GYPB: variants seen among roughly 807,000 people sequenced by gnomAD.
GYPB encodes glycophorin-B.
Under a neutral mutation model 15.3 loss-of-function variants are expected in GYPB, and 13 were observed. The observed-to-expected ratio is 0.85, with a 90% CI of 0.55 to 1.35. The LOEUF is 1.35. GYPB is among the 40% of genes most tolerant of loss of function. GYPB has a pLI of 0.00. For missense variants in GYPB, 131 were observed against 108.3 expected (o/e 1.21, Z -0.93); for synonymous variants, 38 against 36.9 (o/e 1.03, Z -0.11).
intron 2 of GYPB, chr4:144,000,436 T>A (rs971340042): frequency 1.4e-5 from 16 of 1,177,302 alleles, no homozygotes; most frequent in Non-Finnish European, 1.6e-5. Flanking sequence ...TGAAACTTCA[T>A]TAGCAGTATG....
intron 1 of GYPB, among the ~76,000 whole-genome samples, chr4:144,010,709 G>A (rs1728172896): frequency 6.6e-6 from 1 of 151,168 alleles, no homozygotes; most frequent in Non-Finnish European, 1.5e-5. Context: ...TGACATACCT[G>A]AAATGCACTC....
At chr4:144,013,157 C>A (rs1457149856) in intron 1 of GYPB, among the ~76,000 whole-genome samples, 1 of 151,228 alleles carries the variant, frequency 6.6e-6, no homozygotes, top group Non-Finnish European at 1.5e-5. Flanking sequence ...AGCCAAAAAA[C>A]ACATGAAAAA....
intron 1 of GYPB, among the ~76,000 whole-genome samples, chr4:144,009,171 AACAG>A (rs976340297): frequency 1.3e-5 from 2 of 151,336 alleles, no homozygotes; most frequent in Non-Finnish European, 2.9e-5. Flanking sequence ...CAGTGTGTGA[AACAG>A]ACAGAGTTGA....
intron 1 of GYPB, among the ~76,000 whole-genome samples, chr4:144,015,001 T>C (rs1373919526): frequency 6.6e-6 from 1 of 151,386 alleles, no homozygotes; most frequent in African/African-American, 2.5e-5. Flanking sequence ...GATGACATCA[T>C]TTTTCCAGTG....
intron 3 of GYPB, among the ~76,000 whole-genome samples, chr4:143,998,386 A>G (rs11721937): frequency 0.11 from 17,383 of 151,490 alleles, 1,317 homozygotes; most frequent in Non-Finnish European, 0.14. Flanking sequence ...AAAATGGCTC[A>G]TTTATTTGCC....
chr4:143,996,743 G>A (rs1324514197), intron 4 of GYPB, among the ~76,000 whole-genome samples: 1 of 149,528 alleles, frequency 6.7e-6, no homozygotes, highest in Non-Finnish European at 1.5e-5. Context: ...TTGCACTCGA[G>A]CCTGGGTGAC....
At chr4:144,011,597 T>A (rs1728224736) in intron 1 of GYPB, among the ~76,000 whole-genome samples, 1 of 150,978 alleles carries the variant, frequency 6.6e-6, no homozygotes, top group African/African-American at 2.5e-5. Context: ...TTGGCAAAAA[T>A]ACAATACCAT....
chr4:144,011,657 A>G (rs1728228449), intron 1 of GYPB, among the ~76,000 whole-genome samples: 1 of 151,312 alleles, frequency 6.6e-6, no homozygotes, highest in African/African-American at 2.5e-5. Context: ...AAAGCAAAAA[A>G]CAAACACAGA....
rs368842334 is a variant in GYPB at position 144,019,298 on chromosome 4, T to C, written c.-11A>G. 1.5e-4 allele frequency: 249 copies of C among 1,611,856 alleles called. 2 individuals are homozygous for C. Among genetic ancestry groups the C allele is most frequent in the Admixed American group, 5.2e-4 (31 of 59,820 alleles). On this transcript the variant is annotated 5_prime_UTR_variant, in exon 1 of 5. It removes an upstream start codon present in the reference 5' UTR. Transcript: ENST00000502664. ...TATTTTTCCATACATCCTGAGATCA[T>C]GAGCTGGTTCCTGAAGTTAGTGCAA...
chr4:144,000,328 T>C lies in GYPB; in HGVS notation c.136+857A>G, dbSNP rs34498102. ...TGTCATGAGTTACAGCTCGTGTAAA[T>C]AGAGTTCAATCACAACAATGACTCC... is the stretch of plus-strand genomic sequence containing the variant. On this transcript the variant is annotated intron_variant, in intron 2 of 4. Transcript: ENST00000502664. 7.9e-3 allele frequency: 2,834 copies of C among 358,916 alleles called. 202 individuals are homozygous for C. Among genetic ancestry groups the C allele is most frequent in the African/African-American group, 0.058 (2,566 of 43,942 alleles). 22.2% of individuals were successfully genotyped at this position (358,916 alleles called of 1,614,324 possible). A position where few individuals can be genotyped will look rare whatever the true frequency, so the allele number is the denominator to read the frequency against.
Position 143,999,397 on chromosome 4 carries a change from A to C in GYPB, c.175+14T>G. On this transcript the variant is annotated intron_variant, in intron 3 of 4. Transcript: ENST00000502664. ...AATGGAATGACTTTTATTCTTTGTC[A>C]AATATTAACATACCTGGTACAGTGA... 6.9e-7 allele frequency: 1 copy of C among 1,455,096 alleles called. No homozygotes were observed. The highest frequency in any genetic ancestry group is 9.6e-7 in the Non-Finnish European group (1 of 1,044,424). The allele number at this position is 1,455,096 out of a possible 1,614,324, so 90.1% of individuals were successfully genotyped here. A position where few individuals can be genotyped will look rare whatever the true frequency, so the allele number is the denominator to read the frequency against.
rs564939139 is a variant in GYPB, at chr4:144,007,772, G to A, written c.38-6489C>T. Among the ~76,000 whole-genome samples, 31 of 151,574 alleles carry A rather than the reference G, an allele frequency of 2.0e-4. 2 individuals are homozygous for A. Among genetic ancestry groups the A allele is most frequent in the African/African-American group, 7.1e-4 (29 of 40,914 alleles). On this transcript the variant is annotated intron_variant, in intron 1 of 4. Transcript: ENST00000502664. ...TCTGGCCTCTAAGATGAGAGTAGTG[G>A]AACAGATGTCTCTCTTTTTAAGCTT... is the stretch of plus-strand genomic sequence containing the variant.
chr4:144,001,437 G>A (rs781683130), intron 1 of GYPB, among the ~76,000 whole-genome samples, 154 bp from the exon 2 acceptor site: 9 of 151,454 alleles, frequency 5.9e-5, no homozygotes, highest in Non-Finnish European at 1.0e-4. Flanking sequence ...GAATTGCTGC[G>A]TGGTAAGTAT....
chr4:144,009,352 G>A (rs1489591878), intron 1 of GYPB, among the ~76,000 whole-genome samples: 1 of 151,054 alleles, frequency 6.6e-6, no homozygotes, highest in Non-Finnish European at 1.5e-5. Context: ...ACAAGTATTA[G>A]TAAACTTCCT....
intron 3 of GYPB, 27 bp downstream of exon 3, chr4:143,999,382 CTT>C: frequency 7.5e-7 from 1 of 1,339,638 alleles, no homozygotes; most frequent in South Asian, 1.2e-5. Flanking sequence ...AATGGAATGA[CTT>C]TTATTCTTTG....
In GYPB at chr4:144,001,180, C is replaced by G. The variant is rs1346249922; in HGVS notation, c.136+5G>C. 2 of 1,612,720 alleles carry G rather than the reference C, an allele frequency of 1.2e-6. No individual in the cohort carries two copies. Among genetic ancestry groups the G allele is most frequent in the South Asian group, 2.2e-5 (2 of 91,060 alleles). ...CACAATTTAAAAATAAAAATGAAAA[C>G]AAACCATTTGTCTGTGATGAGATGT... On this transcript the variant is annotated splice_donor_5th_base_variant and intron_variant, in intron 2 of 4. Coordinates refer to ENST00000502664, the MANE Select transcript of GYPB (RefSeq NM_002100.6).
In GYPB at chr4:144,007,883, C is replaced by T. The variant is rs893773546; in HGVS notation, c.38-6600G>A. 1.1e-4 allele frequency among the ~76,000 whole-genome samples: 16 copies of T among 151,548 alleles called. 1 individual carries two copies. Among genetic ancestry groups the T allele is most frequent in the Non-Finnish European group, 1.8e-4 (12 of 68,030 alleles). On this transcript the variant is annotated intron_variant, in intron 1 of 4. Transcript: ENST00000502664. The stretch of plus-strand genomic sequence containing the variant: ...AAACTCCTAGGCTCAAGCAATTCTC[C>T]TGCCTCATTCTACTGAGCAACTGGT...
In GYPB at chr4:144,012,024, A is replaced by G. The variant is rs200171548; in HGVS notation, c.37+7227T>C. Among the ~76,000 whole-genome samples, 2,493 of 152,114 alleles carry G rather than the reference A, an allele frequency of 0.016. 14 individuals are homozygous for G. The East Asian group carries it at 0.18, about 11-fold the overall frequency. On this transcript the variant is annotated intron_variant, in intron 1 of 4. Coordinates refer to ENST00000502664, the MANE Select transcript of GYPB (RefSeq NM_002100.6). Reference sequence around the variant, plus strand: ...TATAATGATGACTGGGAAATAAGTGATAACATCAAAAGGAGGCCTCCAGAA... The same window carrying G: ...TATAATGATGACTGGGAAATAAGTGGTAACATCAAAAGGAGGCCTCCAGAA...
At chr4:144,018,536 GT>G (rs1481288242) in intron 1 of GYPB, among the ~76,000 whole-genome samples, 2 of 151,184 alleles carry the variant, frequency 1.3e-5, no homozygotes, top group Non-Finnish European at 2.9e-5. Flanking sequence ...TTGAGAGGAT[GT>G]TTAACTATAA....
Sources: gnomAD v4.1 joint callset for allele counts (sites outside exome capture counted in the v4.1 genomes callset) on GRCh38, gnomAD v4.1.1 for gene constraint, MANE v1.5 for transcripts, NCBI Gene and HGNC (gene_info 2026-07-23, HGNC 2026-07-21) for gene names.